NICOL1: variants seen among roughly 807,000 people sequenced by gnomAD.
NICOL1 encodes NELL2-interacting cell ontogeny regulator 1.
At chr4:2,043,726 T>A in the NICOL1 span, 29 of 649,782 alleles carry the variant, frequency 4.5e-5, no homozygotes, top group Non-Finnish European at 6.9e-5. Context: ...GCTCTGGGTG[T>A]GGGGGTTAGA....
At chr4:2,040,664 G>A in the NICOL1 span, among the ~76,000 whole-genome samples, 1 of 152,176 alleles carries the variant, frequency 6.6e-6, no homozygotes, top group Non-Finnish European at 1.5e-5. Flanking sequence ...CGGGAGGGCC[G>A]CTGCCTCCCC....
At chr4:2,042,382 A>T in the NICOL1 span, 1 of 515,596 alleles carries the variant, frequency 1.9e-6, no homozygotes, top group Non-Finnish European at 3.4e-6. Flanking sequence ...CCGGTCCCCG[A>T]TGTCACCGCC....
chr4:2,039,125 A>G, the NICOL1 span, among the ~76,000 whole-genome samples: 4 of 152,200 alleles, frequency 2.6e-5, no homozygotes, highest in Admixed American at 6.5e-5. Flanking sequence ...TCAAAAGAAT[A>G]CATTATGGCT....
the NICOL1 span, chr4:2,041,651 C>A: frequency 3.8e-6 from 1 of 264,270 alleles, no homozygotes; most frequent in Non-Finnish European, 7.1e-6. Flanking sequence ...GGAGGCCAAG[C>A]GTTTGCATGC....
At chr4:2,039,422 A>C in the NICOL1 span, among the ~76,000 whole-genome samples, 9 of 152,152 alleles carry the variant, frequency 5.9e-5, no homozygotes, top group Non-Finnish European at 1.0e-4. Flanking sequence ...TCAAAAAAAA[A>C]CAAAAAACAA....
the NICOL1 span, chr4:2,042,349 G>C: frequency 1.7e-5 from 9 of 518,580 alleles, no homozygotes; most frequent in African/African-American, 1.6e-4. Flanking sequence ...CCCTCTGCTG[G>C]CCATGGCCCC....
chr4:2,042,395 C>T, the NICOL1 span: 1 of 508,070 alleles, frequency 2.0e-6, no homozygotes, highest in Admixed American at 3.4e-5. Context: ...TCACCGCCGC[C>T]GCCGCCGCTG....
At chr4:2,042,882 G>T in the NICOL1 span, 2 of 1,243,502 alleles carry the variant, frequency 1.6e-6, no homozygotes, top group Admixed American at 5.7e-5. Context: ...GGAGGGCAGG[G>T]AGGATGAGGA....
chr4:2,043,777 T>C, the NICOL1 span: 3 of 1,161,230 alleles, frequency 2.6e-6, no homozygotes, highest in Non-Finnish European at 2.5e-6. Flanking sequence ...CCGGTGGAGA[T>C]AGGGCTGCCT....
chr4:2,037,097 T>C, the NICOL1 span, among the ~76,000 whole-genome samples: 1 of 152,134 alleles, frequency 6.6e-6, no homozygotes, highest in Non-Finnish European at 1.5e-5. Flanking sequence ...TGTTTAAATG[T>C]GTGTAGCACT....
chr4:2,037,184 G>GT, the NICOL1 span, among the ~76,000 whole-genome samples: 1 of 152,164 alleles, frequency 6.6e-6, no homozygotes, highest in Non-Finnish European at 1.5e-5. Context: ...TGCCATGATT[G>GT]TAAGTTTCCT....
chr4:2,042,729 C>A, the NICOL1 span: 3 of 1,508,732 alleles, frequency 2.0e-6, no homozygotes, highest in Middle Eastern at 2.3e-4. Context: ...ACCCGCGCCC[C>A]CCGCAGGCCG....
At chr4:2,041,150 T>TGGGGGGGGGG in the NICOL1 span, among the ~76,000 whole-genome samples, 5 of 65,546 alleles carry the variant, frequency 7.6e-5, no homozygotes, top group African/African-American at 1.8e-4. Flanking sequence ...CTGGGTGGGG[T>TGGGGGGGGGG]GGGGGGGGAG....
the NICOL1 span, chr4:2,042,218 C>A: frequency 7.3e-7 from 1 of 1,368,832 alleles, no homozygotes; most frequent in Non-Finnish European, 9.4e-7. Context: ...GGGTCCAGGG[C>A]TCCCAGGCCT....
At chr4:2,041,741 C>T in the NICOL1 span, 2 of 447,358 alleles carry the variant, frequency 4.5e-6, no homozygotes, top group South Asian at 9.0e-5. Flanking sequence ...CACAGATTTC[C>T]CACTTCCTCA....
the NICOL1 span, among the ~76,000 whole-genome samples, chr4:2,041,401 G>A: frequency 6.6e-6 from 1 of 152,206 alleles, no homozygotes; most frequent in African/African-American, 2.4e-5. Context: ...CCTGTGGTCG[G>A]GGCTCCGCGC....
chr4:2,040,973 G>A, the NICOL1 span, among the ~76,000 whole-genome samples: 1 of 152,116 alleles, frequency 6.6e-6, no homozygotes, highest in Admixed American at 6.5e-5. Flanking sequence ...AGAACCCCGG[G>A]GGTTGGGGGT....
the NICOL1 span, among the ~76,000 whole-genome samples, chr4:2,040,273 AT>A: frequency 1.7e-3 from 252 of 152,158 alleles, no homozygotes; most frequent in Non-Finnish European, 2.7e-3. Flanking sequence ...TACCCGGCTA[AT>A]TTTTGTATTT....
At chr4:2,042,728 C>G in the NICOL1 span, 1 of 1,508,118 alleles carries the variant, frequency 6.6e-7, no homozygotes, top group Non-Finnish European at 8.8e-7. Context: ...GACCCGCGCC[C>G]CCCGCAGGCC....
Sources: gnomAD v4.1 joint callset for allele counts (sites outside exome capture counted in the v4.1 genomes callset) on GRCh38, gnomAD v4.1.1 for gene constraint, MANE v1.5 for transcripts, NCBI Gene and HGNC (gene_info 2026-07-23, HGNC 2026-07-21) for gene names.